The following CSMD1 variants were observed in gnomAD, a reference collection of about 807,000 sequenced individuals.
The protein encoded by CSMD1 is CUB and Sushi multiple domains 1, also known as CUB and sushi domain-containing protein 1.
CSMD1 carries 213 observed loss-of-function variants against 417.5 expected under a neutral mutation model. The observed-to-expected ratio is 0.51, with a 90% CI of 0.46 to 0.57. CSMD1 has a LOEUF of 0.57. CSMD1 is among the 20% of genes least tolerant of loss of function. The pLI, the probability that CSMD1 is intolerant of heterozygous loss-of-function variation, is 0.00. For synonymous variants in CSMD1, 2,862 were observed against 1,736.8 expected (o/e 1.65, Z -16.11); for missense variants, 6,923 against 4,529.7 (o/e 1.53, Z -15.17).
intron 5 of CSMD1, among the ~76,000 whole-genome samples, chr8:3,849,179 G>C (rs1042424934): frequency 3.9e-5 from 6 of 152,094 alleles, no homozygotes; most frequent in Admixed American, 6.6e-5. Flanking sequence ...CATTAACTTA[G>C]TTTGAATGAA....
In CSMD1 at chr8:3,006,503, C is replaced by T. The variant is rs1313419008; in HGVS notation, c.8030-6372G>A. Among the ~76,000 whole-genome samples the T allele has an allele frequency of 9.2e-5, 14 of 152,230 alleles. No individual in the cohort carries two copies. In the East Asian group the frequency reaches 2.5e-3, roughly 27 times the overall value. On this transcript the variant is annotated intron_variant, in intron 52 of 69. Transcript: ENST00000635120. Reference sequence around the variant, plus strand: ...CAAAAGAACAAAGCTGGAGGTATCACACTACCTGACTTCAAACTATACTAC... The same window carrying T: ...CAAAAGAACAAAGCTGGAGGTATCATACTACCTGACTTCAAACTATACTAC...
intron 5 of CSMD1, among the ~76,000 whole-genome samples, chr8:3,904,382 G>T (rs754883359): frequency 6.6e-6 from 1 of 152,042 alleles, no homozygotes; most frequent in Non-Finnish European, 1.5e-5. Flanking sequence ...TATTGCAATG[G>T]AAACCTCTTT....
chr8:4,168,505 C>A (rs184415410), intron 3 of CSMD1, among the ~76,000 whole-genome samples: 4 of 151,880 alleles, frequency 2.6e-5, no homozygotes, highest in African/African-American at 9.7e-5. Context: ...CTCTAACATG[C>A]AACACTAGAT....
chr8:4,934,728 A>T (rs1337582830), intron 1 of CSMD1, among the ~76,000 whole-genome samples: 1 of 152,210 alleles, frequency 6.6e-6, no homozygotes, highest in Non-Finnish European at 1.5e-5. Flanking sequence ...ATCCATCTAT[A>T]TATCTATAAA....
intron 20 of CSMD1, among the ~76,000 whole-genome samples, chr8:3,362,653 A>T (rs1277147828): frequency 4.6e-5 from 7 of 152,196 alleles, no homozygotes; most frequent in Non-Finnish European, 7.3e-5. Flanking sequence ...ACTCTTGAAT[A>T]CATCCCTCAA....
At chr8:4,924,741 A>AAG (rs1308204460) in intron 1 of CSMD1, among the ~76,000 whole-genome samples, 7 of 151,540 alleles carry the variant, frequency 4.6e-5, no homozygotes, top group Non-Finnish European at 8.8e-5. Context: ...AAAAAAAAAA[A>AAG]AAAACCTACA....
At chr8:4,305,890 G>C (rs972364315) in intron 3 of CSMD1, among the ~76,000 whole-genome samples, 6 of 152,098 alleles carry the variant, frequency 3.9e-5, no homozygotes, top group African/African-American at 1.4e-4. Context: ...ATATGCAATT[G>C]TTCTCAAGCA....
At chr8:3,621,781 T>A (rs1237575729) in intron 7 of CSMD1, among the ~76,000 whole-genome samples, 1 of 151,496 alleles carries the variant, frequency 6.6e-6, no homozygotes, top group Non-Finnish European at 1.5e-5. Flanking sequence ...TTATTATTAT[T>A]ATTATTTTGT....
chr8:4,216,520 G>C (rs941521909), intron 3 of CSMD1, among the ~76,000 whole-genome samples: 4 of 152,040 alleles, frequency 2.6e-5, no homozygotes, highest in African/African-American at 9.7e-5. Flanking sequence ...GTACCCCCAC[G>C]GGACTAAGAA....
At chr8:3,243,762 AAAC>A (rs1800437571) in intron 26 of CSMD1, among the ~76,000 whole-genome samples, 1 of 150,678 alleles carries the variant, frequency 6.6e-6, no homozygotes, top group African/African-American at 2.4e-5. Flanking sequence ...GTATTTATAT[AAAC>A]AATATCATTT....
intron 50 of CSMD1, among the ~76,000 whole-genome samples, chr8:3,038,741 A>AT (rs1563266054): frequency 2.0e-5 from 3 of 152,120 alleles, no homozygotes; most frequent in African/African-American, 4.8e-5. Context: ...TAATTATAAA[A>AT]TTTTTTCTTA....
rs569581565 is a variant in CSMD1, at chr8:3,040,698, G to C, written c.7661-11185C>G. Among the ~76,000 whole-genome samples the C allele has an allele frequency of 7.8e-4, 119 of 152,082 alleles. 1 individual carries two copies. Among genetic ancestry groups the C allele is most frequent in the African/African-American group, 2.7e-3 (112 of 41,534 alleles). On this transcript the variant is annotated intron_variant, in intron 50 of 69. Transcript: ENST00000635120. ...TGTGCCTGTAATCCCAGCCACTCGGGAGGCTGAGGCAAAAGAATCGCTTGA... is the reference window on the plus strand; with the variant it reads ...TGTGCCTGTAATCCCAGCCACTCGGCAGGCTGAGGCAAAAGAATCGCTTGA...
chr8:4,036,282 T>G (rs940024323), intron 3 of CSMD1, among the ~76,000 whole-genome samples: 1 of 152,182 alleles, frequency 6.6e-6, no homozygotes, highest in African/African-American at 2.4e-5. Context: ...CAAGATGCTG[T>G]TGTTATGGTC....
intron 5 of CSMD1, among the ~76,000 whole-genome samples, chr8:3,895,169 A>G (rs1000892804): frequency 1.3e-5 from 2 of 152,224 alleles, no homozygotes; most frequent in African/African-American, 4.8e-5. Context: ...ACTAATTCAG[A>G]GACACCAACA....
At position 4,290,739 on chromosome 8, in the gene CSMD1, A is replaced by G. The variant is rs527912642; in HGVS notation, c.415+129214T>C. ...TAATGTTCATTAACTTTATCTCCCT[A>G]TCTGTAGTTTCATTTAGGATTTCTA... is the stretch of plus-strand genomic sequence containing the variant. On this transcript the variant is annotated intron_variant, in intron 3 of 69. Coordinates refer to ENST00000635120, the MANE Select transcript of CSMD1 (RefSeq NM_033225.6). 1.2e-3 allele frequency among the ~76,000 whole-genome samples: 190 copies of G among 152,278 alleles called. 1 individual carries two copies. Among genetic ancestry groups the G allele is most frequent in the Non-Finnish European group, 2.1e-3 (146 of 68,016 alleles).
At chr8:2,986,659 C>A (rs556274295) in intron 54 of CSMD1, among the ~76,000 whole-genome samples, 1 of 152,014 alleles carries the variant, frequency 6.6e-6, no homozygotes, top group African/African-American at 2.4e-5. Context: ...TGCCCACCAC[C>A]ACGCCCAGCT....
chr8:3,786,152 G>C (rs930086725), intron 5 of CSMD1, among the ~76,000 whole-genome samples: 1 of 152,182 alleles, frequency 6.6e-6, no homozygotes, highest in East Asian at 1.9e-4. Context: ...ACAGGACACA[G>C]AGGAGCACCT....
intron 2 of CSMD1, among the ~76,000 whole-genome samples, chr8:4,444,852 G>C (rs943268199): frequency 2.0e-5 from 3 of 152,158 alleles, no homozygotes; most frequent in Non-Finnish European, 4.4e-5. Flanking sequence ...TGACAACCCA[G>C]AGGACTCCTG....
chr8:4,849,663 G>T (rs976851012), intron 1 of CSMD1, among the ~76,000 whole-genome samples: 2 of 152,026 alleles, frequency 1.3e-5, no homozygotes, highest in East Asian at 3.9e-4. Flanking sequence ...TATTATAGTT[G>T]TCCATATTAT....
Sources: allele counts gnomAD v4.1 joint callset (sites outside exome capture counted in the v4.1 genomes callset), GRCh38; gene constraint gnomAD v4.1.1; transcripts MANE v1.5; gene names NCBI Gene and HGNC (gene_info 2026-07-23, HGNC 2026-07-21).